The following ARHGAP42 variants were observed in gnomAD, a reference collection of about 807,000 sequenced individuals.
The protein encoded by ARHGAP42 is Rho GTPase activating protein 42.
In ARHGAP42, 63 loss-of-function variants were observed where a neutral mutation model predicts 125.0. That is an observed-to-expected ratio of 0.50 (90% CI 0.41 to 0.62). ARHGAP42 has a LOEUF of 0.62. Among genes scored for constraint, ARHGAP42 ranks in the 20% least tolerant of loss-of-function variants. ARHGAP42 has a pLI of 0.00. For missense variants in ARHGAP42, 766 were observed against 1,024.2 expected, an observed-to-expected ratio of 0.75 and a Z score of 3.44; for synonymous variants, 339 against 351.0, an observed-to-expected ratio of 0.97 and a Z score of 0.38.
intron 4 of ARHGAP42, among the ~76,000 whole-genome samples, chr11:100,866,775 C>G (rs192879972): frequency 2.0e-5 from 3 of 152,268 alleles, no homozygotes; most frequent in African/African-American, 7.2e-5. Context: ...CCTCCTCCAA[C>G]AGTGGGAATT....
At chr11:100,718,954 A>T (rs1391899202) in intron 1 of ARHGAP42, among the ~76,000 whole-genome samples, 1 of 152,162 alleles carries the variant, frequency 6.6e-6, no homozygotes, top group Non-Finnish European at 1.5e-5. Context: ...GGTATTTGTG[A>T]TGGAGAAAGG....
In ARHGAP42 at chr11:100,973,173, A is replaced by G; in HGVS notation, c.1551-2A>G. 6.6e-7 allele frequency: 1 copy of G among 1,505,760 alleles called. No homozygotes were observed. The highest frequency in any genetic ancestry group is 1.4e-5 in the African/African-American group (1 of 71,142). 93.3% of individuals were successfully genotyped at this position (1,505,760 alleles called of 1,614,324 possible). ...GATATTTTTGTTGCTTTTTATTTGC[A>G]GAGTATCACTACACAGCCAACAAAA... On this transcript the variant is annotated splice_acceptor_variant, in intron 17 of 23. Coordinates refer to ENST00000298815, the MANE Select transcript of ARHGAP42 (RefSeq NM_152432.4). LOFTEE classifies it high-confidence loss of function.
intron 3 of ARHGAP42, among the ~76,000 whole-genome samples, chr11:100,822,260 G>C (rs1171631632): frequency 1.3e-5 from 2 of 151,978 alleles, no homozygotes; most frequent in Non-Finnish European, 2.9e-5. Context: ...ATTTTAGAGT[G>C]TATCTTTAGA....
At position 100,933,330 on chromosome 11, in the gene ARHGAP42, C is replaced by T. The variant is rs536213558; in HGVS notation, c.702+70C>T. 9 of 1,140,140 alleles carry T rather than the reference C, an allele frequency of 7.9e-6. No individual in the cohort carries two copies. In the South Asian group the frequency reaches 1.0e-4, roughly 13 times the overall value. The allele number at this position is 1,140,140 out of a possible 1,614,324, so 70.6% of individuals were successfully genotyped here. A position where few individuals can be genotyped will look rare whatever the true frequency, so the allele number is the denominator to read the frequency against. On this transcript the variant is annotated intron_variant, in intron 7 of 23. Coordinates refer to ENST00000298815, the MANE Select transcript of ARHGAP42 (RefSeq NM_152432.4). ...TCTGATTTCACAGGGCAACTAATTA[C>T]AATTTTTTTCTAGCTGCTAGTGGAA...
chr11:100,778,640 G>A (rs1280256722), intron 2 of ARHGAP42, among the ~76,000 whole-genome samples: 6 of 151,900 alleles, frequency 3.9e-5, no homozygotes, highest in African/African-American at 1.5e-4. Flanking sequence ...AGCTGGGAAA[G>A]TTGCACATTT....
intron 2 of ARHGAP42, among the ~76,000 whole-genome samples, chr11:100,790,365 G>A (rs1409447064): frequency 6.6e-6 from 1 of 151,772 alleles, no homozygotes; most frequent in Non-Finnish European, 1.5e-5. Context: ...TTCTGAAAGT[G>A]TTTTTCCAAT....
At chr11:100,982,627 TATACTC>T (rs745823569) in intron 22 of ARHGAP42, among the ~76,000 whole-genome samples, 1 of 152,206 alleles carries the variant, frequency 6.6e-6, no homozygotes, top group African/African-American at 2.4e-5. Flanking sequence ...GGGTCTCAGT[TATACTC>T]AGAGCAGAGA....
At position 100,753,570 on chromosome 11, in the gene ARHGAP42, G is replaced by A. The variant is rs140416327; in HGVS notation, c.155-16773G>A. ...AGATTATATTATGAATTTCATTTGA[G>A]AGCTTCTTTCAACCTGCTGCCACTG... On this transcript the variant is annotated intron_variant, in intron 1 of 23. Transcript: ENST00000298815. Among the ~76,000 whole-genome samples the A allele has an allele frequency of 1.3e-4, 20 of 152,326 alleles. No homozygotes were observed. In the East Asian group the frequency reaches 3.1e-3, roughly 24 times the overall value.
chr11:100,969,272 G>T (rs1858177258), intron 17 of ARHGAP42, among the ~76,000 whole-genome samples: 1 of 151,952 alleles, frequency 6.6e-6, no homozygotes. Flanking sequence ...TTCTCTTGAT[G>T]CTTTCAGAAT....
chr11:100,987,843 A>AAATAAATAAATAAATT (rs879298050), intron 23 of ARHGAP42, among the ~76,000 whole-genome samples: 15 of 146,420 alleles, frequency 1.0e-4, no homozygotes, highest in Admixed American at 3.4e-4. Flanking sequence ...ATAAATAAAT[A>AAATAAATAAATAAATT]AATAGGCCAG....
chr11:100,939,293 T>A (rs1211579588), intron 8 of ARHGAP42, among the ~76,000 whole-genome samples: 1 of 152,116 alleles, frequency 6.6e-6, no homozygotes, highest in Non-Finnish European at 1.5e-5. Flanking sequence ...CATGTCATAA[T>A]GATATTGCAA....
chr11:100,887,482 C>G (rs1464028575), intron 4 of ARHGAP42, among the ~76,000 whole-genome samples: 5 of 152,182 alleles, frequency 3.3e-5, no homozygotes, highest in African/African-American at 1.2e-4. Flanking sequence ...TTTATTTCTA[C>G]TTTTTGAAGT....
At chr11:100,953,012 A>G (rs1441137775) in intron 12 of ARHGAP42, among the ~76,000 whole-genome samples, 2 of 152,034 alleles carry the variant, frequency 1.3e-5, no homozygotes, top group Admixed American at 1.3e-4. Flanking sequence ...AAATTCTTAT[A>G]CCTGTTAGGT....
chr11:100,928,761 AT>A (rs1867495765), intron 6 of ARHGAP42, among the ~76,000 whole-genome samples: 1 of 150,312 alleles, frequency 6.7e-6, no homozygotes, highest in Non-Finnish European at 1.5e-5. Context: ...TTTAGGTATC[AT>A]TCCCAGTATA....
chr11:100,924,560 G>A (rs1458517343), intron 6 of ARHGAP42, among the ~76,000 whole-genome samples: 2 of 151,838 alleles, frequency 1.3e-5, no homozygotes, highest in African/African-American at 4.8e-5. Flanking sequence ...TAAGCTACTC[G>A]GGAAGCTGAG....
At chr11:100,715,201 A>C (rs1252906932) in intron 1 of ARHGAP42, among the ~76,000 whole-genome samples, 1 of 152,124 alleles carries the variant, frequency 6.6e-6, no homozygotes, top group Non-Finnish European at 1.5e-5. Flanking sequence ...CTGGGAGAAA[A>C]CTTAAAACTT....
intron 4 of ARHGAP42, among the ~76,000 whole-genome samples, chr11:100,878,179 A>G (rs1356102973): frequency 6.6e-6 from 1 of 151,442 alleles, no homozygotes; most frequent in African/African-American, 2.4e-5. Flanking sequence ...CCCAGGCTGG[A>G]GTGCAATGGC....
At chr11:100,775,881 C>T (rs927056232) in intron 2 of ARHGAP42, among the ~76,000 whole-genome samples, 4 of 151,970 alleles carry the variant, frequency 2.6e-5, no homozygotes, top group Non-Finnish European at 4.4e-5. Context: ...ATATTGTGGC[C>T]GGGTACGGTG....
At chr11:100,752,627 T>A (rs1001218202) in intron 1 of ARHGAP42, among the ~76,000 whole-genome samples, 1 of 152,208 alleles carries the variant, frequency 6.6e-6, no homozygotes, top group African/African-American at 2.4e-5. Flanking sequence ...AATCCAGTGA[T>A]GTAACCTGTC....
Sources: allele counts gnomAD v4.1 joint callset (sites outside exome capture counted in the v4.1 genomes callset), GRCh38; gene constraint gnomAD v4.1.1; transcripts MANE v1.5; gene names NCBI Gene and HGNC (gene_info 2026-07-23, HGNC 2026-07-21).